TRPM3: variants seen among roughly 807,000 people sequenced by gnomAD.
TRPM3 encodes long transient receptor potential channel 3.
A neutral mutation model predicts 181.2 loss-of-function variants in TRPM3; 77 were observed. The ratio of observed to expected loss-of-function variants is 0.42; its 90% CI spans 0.35 to 0.51. The LOEUF (loss-of-function observed/expected upper bound fraction) is 0.51, where lower values mean the gene tolerates loss of function less well. Ranked by LOEUF, TRPM3 falls within the 20% of genes least tolerant of loss-of-function variation. The pLI, the probability that TRPM3 is intolerant of heterozygous loss-of-function variation, is 0.01. For synonymous variants in TRPM3, 745 were observed against 796.4 expected (o/e 0.94, Z 1.09); for missense variants, 1,759 against 2,196.7 (o/e 0.80, Z 3.98).
intron 8 of TRPM3, among the ~76,000 whole-genome samples, chr9:70,692,251 G>T (rs1169758924): frequency 6.6e-6 from 1 of 152,154 alleles, no homozygotes; most frequent in Non-Finnish European, 1.5e-5. Flanking sequence ...CAATAGATGT[G>T]TTGTAGTTCA....
chr9:70,802,717 A>G (rs1664325123), intron 6 of TRPM3, among the ~76,000 whole-genome samples: 1 of 152,066 alleles, frequency 6.6e-6, no homozygotes, highest in Non-Finnish European at 1.5e-5. Flanking sequence ...AGTCCCTAAA[A>G]CTAGCCGTTT....
chr9:70,800,898 C>T (rs1366758110), intron 6 of TRPM3, among the ~76,000 whole-genome samples: 2 of 152,060 alleles, frequency 1.3e-5, no homozygotes, highest in African/African-American at 4.8e-5. Context: ...ATGGTTATTT[C>T]CATTTTACAG....
At chr9:70,890,032 T>A (rs2096172044) in intron 1 of TRPM3, among the ~76,000 whole-genome samples, 1 of 148,100 alleles carries the variant, frequency 6.8e-6, no homozygotes, top group Non-Finnish European at 1.5e-5. Flanking sequence ...TATAAATATA[T>A]ACACACTATA....
chr9:71,272,529 G>A (rs943273690), intron 1 of TRPM3, among the ~76,000 whole-genome samples: 2 of 152,046 alleles, frequency 1.3e-5, no homozygotes, highest in African/African-American at 4.8e-5. Context: ...TAAGGAGCTT[G>A]GGAGATACAA....
intron 8 of TRPM3, among the ~76,000 whole-genome samples, chr9:70,686,578 C>A (rs2066830228): frequency 1.3e-5 from 1 of 75,158 alleles, no homozygotes. Flanking sequence ...TTGGAAACCC[C>A]TCCCTCCCTC....
At chr9:71,288,928 A>AG (rs1274420812) in intron 1 of TRPM3, among the ~76,000 whole-genome samples, 2 of 152,068 alleles carry the variant, frequency 1.3e-5, no homozygotes, top group Admixed American at 1.3e-4. Context: ...AGGTGGAAAT[A>AG]GGGGGGAAAA....
chr9:70,620,466 T>C, intron 15 of TRPM3, 101 bp from the exon 16 acceptor site: 1 of 1,325,670 alleles, frequency 7.5e-7, no homozygotes. Flanking sequence ...CTGGGATCAA[T>C]ACTGAAATGA....
chr9:70,922,918 G>A (rs1467886395), intron 1 of TRPM3, among the ~76,000 whole-genome samples: 1 of 152,158 alleles, frequency 6.6e-6, no homozygotes, highest in African/African-American at 2.4e-5. Flanking sequence ...AAAGAGAAGA[G>A]ACTCTGTAAA....
chr9:70,650,299 C>T lies in TRPM3; in HGVS notation c.1346-9639G>A, dbSNP rs1172198932. On this transcript the variant is annotated intron_variant, in intron 9 of 25. Coordinates refer to ENST00000677713, the MANE Select transcript of TRPM3 (RefSeq NM_001366145.2). Reference sequence around the variant, plus strand: ...CATGTAACAAACCTGGACATGTACCCCCAAACCTAAAATAAAAGTTAAAAG... The same window carrying T: ...CATGTAACAAACCTGGACATGTACCTCCAAACCTAAAATAAAAGTTAAAAG... 2.0e-5 allele frequency among the ~76,000 whole-genome samples: 3 copies of T among 152,118 alleles called. No individual in the cohort carries two copies. The East Asian group carries it at 5.8e-4, about 29-fold the overall frequency.
At chr9:70,668,621 C>T (rs1590040161) in intron 9 of TRPM3, among the ~76,000 whole-genome samples, 1 of 142,726 alleles carries the variant, frequency 7.0e-6, no homozygotes, top group Admixed American at 7.4e-5. Flanking sequence ...GCCGAGATCG[C>T]GCCACTGCAC....
chr9:70,983,220 A>G (rs960473205), intron 1 of TRPM3, among the ~76,000 whole-genome samples: 1 of 151,782 alleles, frequency 6.6e-6, no homozygotes, highest in East Asian at 1.9e-4. Context: ...TTTTTTTCCT[A>G]TCACCCCCAT....
At chr9:70,624,185 G>A (rs1362514514) in intron 14 of TRPM3, among the ~76,000 whole-genome samples, 3 of 152,168 alleles carry the variant, frequency 2.0e-5, no homozygotes, top group Non-Finnish European at 4.4e-5. Flanking sequence ...ATATTTGGAA[G>A]AGCTGCATAC....
chr9:70,932,893 A>C (rs970557323), intron 1 of TRPM3, among the ~76,000 whole-genome samples: 2 of 152,186 alleles, frequency 1.3e-5, no homozygotes, highest in African/African-American at 4.8e-5. Context: ...AAGACCATAA[A>C]AGGCCATTTT....
intron 1 of TRPM3, among the ~76,000 whole-genome samples, chr9:71,233,267 A>T (rs1030023704): frequency 2.0e-5 from 3 of 152,090 alleles, no homozygotes; most frequent in Non-Finnish European, 2.9e-5. Flanking sequence ...TATGTTAAAG[A>T]CTCCATGCTT....
chr9:71,046,905 A>G (rs886635431), intron 1 of TRPM3, among the ~76,000 whole-genome samples: 4 of 152,196 alleles, frequency 2.6e-5, no homozygotes, highest in African/African-American at 9.6e-5. Context: ...TAAATGCCAT[A>G]AAGTTCACTT....
intron 1 of TRPM3, among the ~76,000 whole-genome samples, chr9:70,911,987 T>C (rs1376105679): frequency 6.6e-6 from 1 of 152,086 alleles, no homozygotes; most frequent in Non-Finnish European, 1.5e-5. Flanking sequence ...GGAATGAGGA[T>C]TGAGGGCCTG....
intron 1 of TRPM3, among the ~76,000 whole-genome samples, chr9:71,288,440 G>A (rs920676567): frequency 3.3e-5 from 5 of 152,026 alleles, no homozygotes; most frequent in Non-Finnish European, 7.4e-5. Context: ...AACAGACAAA[G>A]TTCATCTGAG....
intron 22 of TRPM3, among the ~76,000 whole-genome samples, chr9:70,587,978 C>T (rs911125829): frequency 2.6e-5 from 4 of 152,274 alleles, no homozygotes; most frequent in Admixed American, 1.3e-4. Context: ...CTTCTGCTTC[C>T]AATCACATTC....
At chr9:70,911,419 A>G (rs1394650643) in intron 1 of TRPM3, among the ~76,000 whole-genome samples, 1 of 152,136 alleles carries the variant, frequency 6.6e-6, no homozygotes, top group African/African-American at 2.4e-5. Flanking sequence ...TTTCATACAA[A>G]ATCATGCCTC....
Sources: allele counts gnomAD v4.1 joint callset (sites outside exome capture counted in the v4.1 genomes callset), GRCh38; gene constraint gnomAD v4.1.1; transcripts MANE v1.5; gene names NCBI Gene and HGNC (gene_info 2026-07-23, HGNC 2026-07-21).